Variants in THRAP3 observed in about 807,000 individuals in gnomAD.
THRAP3 encodes the protein thyroid hormone receptor-associated protein 3.
A neutral mutation model predicts 101.0 loss-of-function variants in THRAP3; 16 were observed. The ratio of observed to expected loss-of-function variants is 0.16; its 90% CI spans 0.11 to 0.24. The LOEUF (loss-of-function observed/expected upper bound fraction) is 0.24. Ranked by LOEUF, THRAP3 falls within the 10% of genes least tolerant of loss-of-function variation. The pLI, the probability that THRAP3 is intolerant of heterozygous loss-of-function variation, is 1.00. For synonymous variants in THRAP3, 407 were observed against 422.6 expected, an observed-to-expected ratio of 0.96 and a Z score of 0.45; for missense variants, 989 against 1,202.7, an observed-to-expected ratio of 0.82 and a Z score of 2.63.
At chr1:36,250,773 C>T (rs56095284) in intron 1 of THRAP3, among the ~76,000 whole-genome samples, 2 of 151,402 alleles carry the variant, frequency 1.3e-5, no homozygotes, top group Non-Finnish European at 2.9e-5. Flanking sequence ...ATTAGTTGGG[C>T]GTGGTGGTGC....
At chr1:36,218,991 C>T in the THRAP3 span, among the ~76,000 whole-genome samples, 4 of 147,418 alleles carry the variant, frequency 2.7e-5, no homozygotes, top group Non-Finnish European at 4.5e-5. Flanking sequence ...TGAGATCACG[C>T]CACTGCACTC....
Position 36,260,123 on chromosome 1 carries a change from T to G in THRAP3, c.-32+639T>G, listed in dbSNP as rs1645426065. ...CAGGCATGGTGGCAGGCACCTGTAA[T>G]CCCAGCTACTTGGGAGGCTGAGGCA... On this transcript the variant is annotated intron_variant, in intron 2 of 11. Transcript: ENST00000354618. Among the ~76,000 whole-genome samples the G allele has an allele frequency of 3.3e-5, 5 of 152,006 alleles. 1 individual carries two copies. The highest frequency in any genetic ancestry group is 3.3e-4 in the Admixed American group (5 of 15,252).
chr1:36,255,198 T>C (rs997069063), intron 1 of THRAP3, among the ~76,000 whole-genome samples: 1 of 152,220 alleles, frequency 6.6e-6, no homozygotes, highest in Admixed American at 6.5e-5. Context: ...ATCATCATGC[T>C]TTTGAAACAA....
intron 10 of THRAP3, among the ~76,000 whole-genome samples, chr1:36,301,311 T>C (rs1005076737): frequency 1.3e-5 from 2 of 152,232 alleles, no homozygotes; most frequent in African/African-American, 2.4e-5. Flanking sequence ...GTCTCAGAAC[T>C]TCCCCCACTT....
At chr1:36,300,197 T>C (rs1646014845) in intron 9 of THRAP3, among the ~76,000 whole-genome samples, 1 of 152,212 alleles carries the variant, frequency 6.6e-6, no homozygotes, top group Admixed American at 6.5e-5. Flanking sequence ...GGGAAATAAC[T>C]CTGGGAGAGT....
At chr1:36,268,023 T>C (rs1334956773) in intron 2 of THRAP3, among the ~76,000 whole-genome samples, 1 of 150,258 alleles carries the variant, frequency 6.7e-6, no homozygotes, top group Admixed American at 6.7e-5. Flanking sequence ...CTACTGACAA[T>C]ACAAGAATTA....
intron 4 of THRAP3, 79 bp from the exon 5 acceptor site, chr1:36,288,981 A>C: frequency 1.4e-6 from 2 of 1,403,144 alleles, no homozygotes; most frequent in Non-Finnish European, 1.9e-6. Context: ...AGAATCAAAA[A>C]CCAAAAACGG....
intron 2 of THRAP3, among the ~76,000 whole-genome samples, chr1:36,266,976 G>T (rs1283397479): frequency 6.6e-6 from 1 of 152,006 alleles, no homozygotes; most frequent in East Asian, 1.9e-4. Context: ...CGCCTCCTGG[G>T]TTCAAGCAAT....
chr1:36,292,677 A>C lies in THRAP3; in HGVS notation c.1998A>C (p.Ala666=). Residue 666 remains alanine, a synonymous_variant, in exon 7 of 12, where the codon GCA becomes GCC. Coordinates refer to ENST00000354618, the MANE Select transcript of THRAP3 (RefSeq NM_005119.4). ...KYLKRGTEQE[A]AKNKKSPEIH... is the part of the protein sequence containing the mutation. The stretch of plus-strand genomic sequence containing the variant: ...TAAAGAGAGGAACTGAGCAGGAGGC[A>C]GCCAAAAACAAGAAAAGCCCAGAGA... 6.2e-7 allele frequency: 1 copy of C among 1,613,816 alleles called. No homozygotes were observed. Among genetic ancestry groups the C allele is most frequent in the African/African-American group, 1.3e-5 (1 of 75,044 alleles).
the THRAP3 span, among the ~76,000 whole-genome samples, chr1:36,216,611 C>T: frequency 6.6e-6 from 1 of 151,520 alleles, no homozygotes; most frequent in Admixed American, 6.6e-5. Context: ...ACCAGCCTGG[C>T]CAAAAACAAC....
At chr1:36,213,877 AAAGGAAAG>A in the THRAP3 span, among the ~76,000 whole-genome samples, 1 of 149,226 alleles carries the variant, frequency 6.7e-6, no homozygotes, top group Non-Finnish European at 1.5e-5. Context: ...AGAAAGAAGG[AAAGGAAAG>A]AAGGAAAGAA....
chr1:36,302,916 A>T (rs1646048178), intron 11 of THRAP3, among the ~76,000 whole-genome samples: 1 of 152,152 alleles, frequency 6.6e-6, no homozygotes, highest in African/African-American at 2.4e-5. Context: ...CTTGCATAAA[A>T]CAGGGGAGAT....
At chr1:36,288,005 C>A (rs1367640787) in intron 4 of THRAP3, 8 of 946,772 alleles carry the variant, frequency 8.4e-6, no homozygotes, top group Non-Finnish European at 8.8e-6. Context: ...CTTTTTTTTT[C>A]TTTTATCGTA....
At chr1:36,264,569 C>G (rs1249553999) in intron 2 of THRAP3, among the ~76,000 whole-genome samples, 1 of 152,212 alleles carries the variant, frequency 6.6e-6, no homozygotes, top group African/African-American at 2.4e-5. Context: ...ACCTAACACC[C>G]ACCTTAGTGC....
chr1:36,285,394 C>G (rs553991329), intron 3 of THRAP3, among the ~76,000 whole-genome samples: 1 of 152,120 alleles, frequency 6.6e-6, no homozygotes, highest in Non-Finnish European at 1.5e-5. Context: ...CACCAACATA[C>G]GTAATTTTTG....
intron 1 of THRAP3, chr1:36,242,073 A>G (rs1486046873): frequency 1.1e-5 from 2 of 175,824 alleles, no homozygotes; most frequent in African/African-American, 4.7e-5. Flanking sequence ...TCCATTCATA[A>G]TAATTTTTGT....
chr1:36,276,958 T>C (rs1386856148), intron 2 of THRAP3, among the ~76,000 whole-genome samples: 2 of 152,154 alleles, frequency 1.3e-5, no homozygotes, highest in Non-Finnish European at 2.9e-5. Context: ...CCACACTTTT[T>C]TTAATTTTTA....
chr1:36,239,832 A>T (rs908329375), intron 1 of THRAP3, among the ~76,000 whole-genome samples: 1 of 152,116 alleles, frequency 6.6e-6, no homozygotes, highest in Non-Finnish European at 1.5e-5. Context: ...CCACTAATCA[A>T]CTCATTTTAC....
chr1:36,226,826 A>C (rs1031999589), intron 1 of THRAP3, among the ~76,000 whole-genome samples: 1 of 152,170 alleles, frequency 6.6e-6, no homozygotes, highest in African/African-American at 2.4e-5. Flanking sequence ...GGGCCTGTGA[A>C]TATATTAGGG....
Sources: allele counts gnomAD v4.1 joint callset (sites outside exome capture counted in the v4.1 genomes callset), GRCh38; gene constraint gnomAD v4.1.1; transcripts MANE v1.5; gene names NCBI Gene and HGNC (gene_info 2026-07-23, HGNC 2026-07-21).